Variants in FLG observed in about 807,000 individuals in gnomAD.
FLG encodes the protein filaggrin, also known as epidermal filaggrin.
In FLG, 6 loss-of-function variants were observed where a neutral mutation model predicts 3.8. The observed-to-expected ratio is 1.60, with a 90% confidence interval of 0.87 to 3.15. The LOEUF (loss-of-function observed/expected upper bound fraction) is 3.15. Among genes scored for constraint, FLG ranks in the 30% most tolerant of loss-of-function variants. The pLI is 0.00. For synonymous variants in FLG, 2,551 were observed against 1,931.6 expected (o/e 1.32, Z -8.41); for missense variants, 7,595 against 5,050.9 (o/e 1.50, Z -15.27).
intron 1 of FLG, among the ~76,000 whole-genome samples, chr1:152,320,703 T>C (rs528897987): frequency 1.3e-5 from 2 of 151,168 alleles, no homozygotes; most frequent in African/African-American, 4.8e-5. Flanking sequence ...AAATTATTAA[T>C]AAAACATCAA....
rs780350327 is a variant in FLG, at chr1:152,312,884, C to G, written c.2002G>C (p.Ala668Pro). 6.2e-7 allele frequency: 1 copy of G among 1,614,028 alleles called. No homozygotes were observed. Among genetic ancestry groups the G allele is most frequent in the Non-Finnish European group, 8.5e-7 (1 of 1,180,016 alleles). Reference sequence around the variant, plus strand: ...CTGTCTGCAGAGTGCCCATGACCAGCTCTGTCTTCGTGATGGGACCTGGGG... The same window carrying G: ...CTGTCTGCAGAGTGCCCATGACCAGGTCTGTCTTCGTGATGGGACCTGGGG... Reference protein sequence around the residue: ...RHPRSHHEDRAGHGHSADSSR... With the variant: ...RHPRSHHEDRPGHGHSADSSR... The change falls in exon 3 of 3, where the codon GCT (alanine) becomes CCT (proline). Residue 668 changes from alanine to proline, a missense_variant. Coordinates refer to ENST00000368799, the MANE Select transcript of FLG (RefSeq NM_002016.2).
intron 2 of FLG, 130 bp from the exon 3 acceptor site, chr1:152,314,877 T>TA: frequency 9.3e-7 from 1 of 1,071,880 alleles, no homozygotes; most frequent in East Asian, 2.7e-5. Flanking sequence ...TTTTTTTTTT[T>TA]AAGACTTTTT....
rs759296038 is a variant in FLG at position 152,310,370 on chromosome 1, C to T, written c.4516G>A (p.Glu1506Lys). The change falls in exon 3 of 3, where the codon GAG (glutamate) becomes AAG (lysine). Residue 1506 changes from glutamate to lysine, a missense_variant. Physicochemically the swap from Glu to Lys is moderately conservative, Grantham distance 56. Coordinates refer to ENST00000368799, the MANE Select transcript of FLG (RefSeq NM_002016.2). ...SRGGRQGSYHEQSVDRSGHSG... is the reference protein window; with the variant it reads ...SRGGRQGSYHKQSVDRSGHSG... ...TGTCCAGACCTATCTACTGATTGCT[C>T]GTGGTAGGATCCCTGCCTTCCTCCT... The T allele has an allele frequency of 3.1e-5, 50 of 1,613,628 alleles. 1 individual carries two copies. The Admixed American group carries it at 3.2e-4, about 10-fold the overall frequency.
In FLG at chr1:152,309,020, G is replaced by A. The variant is rs772674565; in HGVS notation, c.5866C>T (p.His1956Tyr). 8.7e-6 allele frequency: 14 copies of A among 1,614,202 alleles called. No individual in the cohort carries two copies. In the Middle Eastern group the frequency reaches 9.9e-4, roughly 114 times the overall value. The change falls in exon 3 of 3, where the codon CAC (histidine) becomes TAC (tyrosine). Residue 1956 changes from histidine to tyrosine, a missense_variant. Coordinates refer to ENST00000368799, the MANE Select transcript of FLG (RefSeq NM_002016.2). ...CTGTCTTCGTGATGGGACCCAGGGT[G>A]TCTGGAGCCATCTCTTGACTGCTCC... The part of the protein sequence containing the change: ...AWEQSRDGSR[H>Y]PGSHHEDRAG...
At position 152,313,614 on chromosome 1, in the gene FLG, G is replaced by A; in HGVS notation, c.1272C>T (p.Asp424=). 1.2e-6 allele frequency: 2 copies of A among 1,613,950 alleles called. No individual in the cohort carries two copies. The highest frequency in any genetic ancestry group is 1.7e-6 in the Non-Finnish European group (2 of 1,179,990). Residue 424 remains aspartate (D), a synonymous_variant, in exon 3 of 3, where the codon GAC becomes GAT. Transcript: ENST00000368799. ...CTGAGTTTTCTGAATGTCCCTCACT[G>A]TCACTGGCCTGACTACCGCTAGACC... ...HRGSSGSQAS[D]SEGHSENSDT...
At position 152,314,351 on chromosome 1, in the gene FLG, T is replaced by C. The variant is rs1290524357; in HGVS notation, c.535A>G (p.Asn179Asp). 2 of 1,612,724 alleles carry C rather than the reference T, an allele frequency of 1.2e-6. No individual in the cohort carries two copies. Among genetic ancestry groups the C allele is most frequent in the African/African-American group, 2.7e-5 (2 of 74,870 alleles). Residue 179 changes from asparagine (N) to aspartate (D), a missense_variant, in exon 3 of 3, where the codon AAC (asparagine) becomes GAC (aspartate). Physicochemically the swap from Asn to Asp is conservative, Grantham distance 23. Coordinates refer to ENST00000368799, the MANE Select transcript of FLG (RefSeq NM_002016.2). The part of the protein sequence containing the change: ...REEEYGKNHH[N>D]SSKKEKNKTE... ...TTGTTTTTCTCTTTTTTACTTGAGT[T>C]ATGATGGTTTTTTCCATATTCTTCT...
Position 152,313,440 on chromosome 1 carries a change from A to G in FLG, c.1446T>C (p.His482=), listed in dbSNP as rs773905350. Residue 482 remains histidine, a synonymous_variant, in exon 3 of 3, where the codon CAT becomes CAC. Coordinates refer to ENST00000368799, the MANE Select transcript of FLG (RefSeq NM_002016.2). ...VSTHEQPDSA[H]GRTGTSTGGR... is the part of the protein sequence containing the mutation. ...CTCCAGTGCTGGTCCCGGTCCGTCCATGGGCAGAGTCAGGCTGTTCATGAG... is the reference window on the plus strand; with the variant it reads ...CTCCAGTGCTGGTCCCGGTCCGTCCGTGGGCAGAGTCAGGCTGTTCATGAG... 4.3e-6 allele frequency: 7 copies of G among 1,613,610 alleles called. No individual in the cohort carries two copies. The highest frequency in any genetic ancestry group is 5.9e-6 in the Non-Finnish European group (7 of 1,179,960).
In FLG at chr1:152,315,303, T is replaced by C. The variant is rs1395171921; in HGVS notation, c.138+16A>G. ...AAAACAAATGCTCTATCTTTGGTCT[T>C]GTCAGAGACTCTTACCTTCAGGATT... On this transcript the variant is annotated intron_variant, in intron 2 of 2. Transcript: ENST00000368799. 1 of 1,612,456 alleles carries C rather than the reference T, an allele frequency of 6.2e-7. No individual in the cohort carries two copies. The highest frequency in any genetic ancestry group is 8.5e-7 in the Non-Finnish European group (1 of 1,178,950).
rs79466425 is a variant in FLG, at chr1:152,304,527, C to A, written c.10359G>T (p.Ser3453=). The change falls in exon 3 of 3, where the codon TCG becomes TCT. Residue 3453 remains serine (S), a synonymous_variant. Coordinates refer to ENST00000368799, the MANE Select transcript of FLG (RefSeq NM_002016.2). ...RGRQGSHYEQ[S]VDRSGHSGSH... is the part of the protein sequence containing the mutation. ...ACCCTGAGTGTCCAGACCTATCTAC[C>A]GATTGCTCGTAGTGGGATCCCTGCC... The A allele has an allele frequency of 2.5e-6, 4 of 1,612,296 alleles. 1 individual carries two copies. The highest frequency in any genetic ancestry group is 3.4e-6 in the Non-Finnish European group (4 of 1,179,342).
In FLG at chr1:152,311,736, CGG is replaced by C. The variant is rs780032327; in HGVS notation, c.3148_3149del (p.Pro1050AlafsTer19). On this transcript the variant is annotated frameshift_variant, in exon 3 of 3. Transcript: ENST00000368799. LOFTEE classifies it low-confidence loss of function (END_TRUNC). ...TGACTGCAGATGAAGCTTGTCTGCG[CGG>C]AATGCCTGAGTGTCTGGAGCTGTCT... ...SADSSRHSGI[P>X]RRQASSAVRD... The C allele has an allele frequency of 3.7e-6, 6 of 1,613,786 alleles. No homozygotes were observed. The highest frequency in any genetic ancestry group is 2.7e-5 in the African/African-American group (2 of 74,788).
At position 152,312,446 on chromosome 1, in the gene FLG, T is replaced by G; in HGVS notation, c.2440A>C (p.Thr814Pro). ...TGGTGGGATCCTTGTCTTACTCCAG[T>G]GCTGGGCCCTGTCCATCCATGGGAG... ...ESSHGWTGPSTGVRQGSHHEQ... is the reference protein window; with the variant it reads ...ESSHGWTGPSPGVRQGSHHEQ... The change falls in exon 3 of 3, where the codon ACT (threonine) becomes CCT (proline). Residue 814 changes from threonine (T) to proline (P), a missense_variant. Thr to Pro is a conservative substitution (Grantham distance 38, BLOSUM62 -1). Transcript: ENST00000368799. 6.2e-7 allele frequency: 1 copy of G among 1,613,626 alleles called. No homozygotes were observed. The highest frequency in any genetic ancestry group is 8.5e-7 in the Non-Finnish European group (1 of 1,179,870).
Position 152,304,795 on chromosome 1 carries a change from TG to T in FLG, c.10090del (p.His3364IlefsTer27), listed in dbSNP as rs1557871435. 1 of 1,613,870 alleles carries T rather than the reference TG, an allele frequency of 6.2e-7. No individual in the cohort carries two copies. Among genetic ancestry groups the T allele is most frequent in the Admixed American group, 1.7e-5 (1 of 59,990 alleles). On this transcript the variant is annotated frameshift_variant, in exon 3 of 3. Transcript: ENST00000368799. LOFTEE classifies it low-confidence loss of function (END_TRUNC). ...TGCGGACTCTTGGTGGCTCTGCTGA[TG>T]GGGCCCAGCCTGTCCATGGCCTGAC... The part of the protein sequence containing the change: ...SVSGHGQAGP[H>X]QQSHQESARD...
intron 1 of FLG, among the ~76,000 whole-genome samples, chr1:152,317,184 A>G (rs1652815546): frequency 6.6e-6 from 1 of 151,956 alleles, no homozygotes; most frequent in Non-Finnish European, 1.5e-5. Flanking sequence ...TGTCTACTGG[A>G]TCATTCCCTT....
At position 152,304,290 on chromosome 1, in the gene FLG, G is replaced by A. The variant is rs765846385; in HGVS notation, c.10596C>T (p.Ser3532=). 4 of 1,612,760 alleles carry A rather than the reference G, an allele frequency of 2.5e-6. No homozygotes were observed. Among genetic ancestry groups the A allele is most frequent in the Admixed American group, 3.3e-5 (2 of 59,900 alleles). The change falls in exon 3 of 3, where the codon AGC becomes AGT. Residue 3532 remains serine (S), a synonymous_variant. Transcript: ENST00000368799. The part of the protein sequence containing the change: ...GQGQSAGPRT[S]RNQGSSVSQD... ...GGCTAACACTGGATCCCTGGTTCCT[G>A]CTTGTCCTGGGCCCCGCTGATTGTC...
chr1:152,310,955 AC>A lies in FLG; in HGVS notation c.3930del (p.Phe1311SerfsTer135), dbSNP rs747496624. 3.7e-6 allele frequency: 6 copies of A among 1,613,424 alleles called. No homozygotes were observed. The highest frequency in any genetic ancestry group is 5.1e-6 in the Non-Finnish European group (6 of 1,179,850). ...TGACTGGCTCTGTCTTCTTGATGGA[AC>A]CCAGGGTGTCTGGAGCCATCTCTTG... is the stretch of plus-strand genomic sequence containing the variant. Reference protein sequence around the residue: ...EQSRDGSRHPGFHQEDRASHG... With the variant: ...EQSRDGSRHPXFHQEDRASHG... On this transcript the variant is annotated frameshift_variant, in exon 3 of 3. Coordinates refer to ENST00000368799, the MANE Select transcript of FLG (RefSeq NM_002016.2). LOFTEE classifies it low-confidence loss of function (END_TRUNC).
In FLG at chr1:152,308,602, C is replaced by G; in HGVS notation, c.6284G>C (p.Ser2095Thr). 6.2e-7 allele frequency: 1 copy of G among 1,614,122 alleles called. No individual in the cohort carries two copies. Residue 2095 changes from serine (S) to threonine (T), a missense_variant, in exon 3 of 3, where the codon AGC becomes ACC. Transcript: ENST00000368799. The stretch of plus-strand genomic sequence containing the variant: ...GGTGGACTCAGACTGTTCATGAGTG[C>G]TCACCTGGTAGAGGAAAGACCCTGA... ...GRSGSFLYQV[S>T]THEQSESTHG... is the part of the protein sequence containing the mutation.
At position 152,310,046 on chromosome 1, in the gene FLG, C is replaced by A. The variant is rs1652282430; in HGVS notation, c.4840G>T (p.Ala1614Ser). Reference protein sequence around the residue: ...SEDSERRSESASRNHYGSARE... With the variant: ...SEDSERRSESSSRNHYGSARE... ...GCAGATCCATAATGGTTTCTGGAAG[C>A]CGACTCAGACCGCCTCTCAGAGTCT... is the stretch of plus-strand genomic sequence containing the variant. Residue 1614 changes from alanine to serine, a missense_variant, in exon 3 of 3, where the codon GCT becomes TCT. Physicochemically the swap from Ala to Ser is moderately conservative, Grantham distance 99. Transcript: ENST00000368799. 1 of 1,613,830 alleles carries A rather than the reference C, an allele frequency of 6.2e-7. No homozygotes were observed. The highest frequency in any genetic ancestry group is 8.5e-7 in the Non-Finnish European group (1 of 1,180,004).
rs200314423 is a variant in FLG, at chr1:152,313,044, A to G, written c.1842T>C (p.Ser614=). The G allele has an allele frequency of 1.1e-5, 17 of 1,613,634 alleles. No individual in the cohort carries two copies. The highest frequency in any genetic ancestry group is 8.9e-5 in the East Asian group (4 of 44,826). ...GGCTAACACTGGATCCCTGGTTCCT[A>G]CTTGTCCTGGGCCCCGATGATTGTC... The part of the protein sequence containing the change: ...GQGQSSGPRT[S]RNQGSSVSQD... The change falls in exon 3 of 3, where the codon AGT becomes AGC. Residue 614 remains serine, a synonymous_variant. Transcript: ENST00000368799.
chr1:152,310,408 GGGTGTCCACGAAT>G lies in FLG; in HGVS notation c.4465_4477del (p.Ile1489ArgfsTer17), dbSNP rs1338536398. 1.2e-6 allele frequency: 2 copies of G among 1,613,240 alleles called. No homozygotes were observed. The highest frequency in any genetic ancestry group is 8.5e-7 in the Non-Finnish European group (1 of 1,179,834). On this transcript the variant is annotated frameshift_variant, in exon 3 of 3. Coordinates refer to ENST00000368799, the MANE Select transcript of FLG (RefSeq NM_002016.2). LOFTEE classifies it low-confidence loss of function (END_TRUNC). ...CTGCCTTCCTCCTCTGCTTGACCCC[GGGTGTCCACGAAT>G]GGTGTCCTGACCGTCTTGGGATGCT...
Sources: allele counts gnomAD v4.1 joint callset (sites outside exome capture counted in the v4.1 genomes callset), GRCh38; gene constraint gnomAD v4.1.1; transcripts MANE v1.5; gene names NCBI Gene and HGNC (gene_info 2026-07-23, HGNC 2026-07-21).